The following RSPO2 variants were observed in gnomAD, a reference collection of about 807,000 sequenced individuals.
RSPO2 encodes R-spondin 2.
Under a neutral mutation model 30.9 loss-of-function variants are expected in RSPO2, and 14 were observed. The observed-to-expected ratio is 0.45, with a 90% confidence interval of 0.30 to 0.71. The LOEUF is 0.71. RSPO2 is among the 30% of genes least tolerant of loss of function. RSPO2 has a pLI of 0.08. For synonymous variants in RSPO2, 107 were observed against 96.4 expected (o/e 1.11, Z -0.64); for missense variants, 264 against 301.9 (o/e 0.87, Z 0.93).
intron 5 of RSPO2, among the ~76,000 whole-genome samples, chr8:107,949,977 T>A (rs1289481683): frequency 6.6e-6 from 1 of 152,182 alleles, no homozygotes; most frequent in Admixed American, 6.5e-5. Context: ...TTCTACCTTT[T>A]GGAAGCATGT....
At chr8:108,065,356 G>A (rs1369519916) in intron 2 of RSPO2, among the ~76,000 whole-genome samples, 1 of 150,632 alleles carries the variant, frequency 6.6e-6, no homozygotes, top group African/African-American at 2.4e-5. Flanking sequence ...CACACCTCCA[G>A]TGTTGTCTTA....
chr8:107,960,837 G>A lies in RSPO2; in HGVS notation c.284-20C>T. 6.5e-7 allele frequency: 1 copy of A among 1,529,408 alleles called. No individual in the cohort carries two copies. The highest frequency in any genetic ancestry group is 2.3e-5 in the Admixed American group (1 of 44,212). The allele number at this position is 1,529,408 out of a possible 1,614,324, so 94.7% of individuals were successfully genotyped here. ...TGCATCCTAAAAACAATTTTAAAGA[G>A]AAAAAAGAAAATTTCAGTCAAAGAA... is the stretch of plus-strand genomic sequence containing the variant. On this transcript the variant is annotated intron_variant, in intron 3 of 5. Coordinates refer to ENST00000276659, the MANE Select transcript of RSPO2 (RefSeq NM_178565.5).
chr8:108,063,475 G>T (rs1372373781), intron 2 of RSPO2, among the ~76,000 whole-genome samples: 1 of 151,688 alleles, frequency 6.6e-6, no homozygotes, highest in African/African-American at 2.4e-5. Context: ...AACTTACAAG[G>T]GACATGAAGG....
Position 108,059,510 on chromosome 8 carries a change from G to C in RSPO2, c.94+23035C>G, listed in dbSNP as rs375391957. Among the ~76,000 whole-genome samples the C allele has an allele frequency of 4.3e-3, 651 of 151,334 alleles. 13 individuals are homozygous for C. The highest frequency in any genetic ancestry group is 0.011 in the African/African-American group (455 of 40,820). The stretch of plus-strand genomic sequence containing the variant: ...AGCCATCCCATTACTGGGTATATAC[G>C]CAAAGGACTATAAATCACGCTGCTA... On this transcript the variant is annotated intron_variant, in intron 2 of 5. Coordinates refer to ENST00000276659, the MANE Select transcript of RSPO2 (RefSeq NM_178565.5).
chr8:107,957,922 C>G (rs887742520), intron 5 of RSPO2, among the ~76,000 whole-genome samples, 158 bp downstream of exon 5: 1 of 152,166 alleles, frequency 6.6e-6, no homozygotes, highest in African/African-American at 2.4e-5. Flanking sequence ...ACAACTGAAG[C>G]ATTTGTTTTT....
chr8:107,913,745 A>C (rs781759128), intron 5 of RSPO2, among the ~76,000 whole-genome samples: 15 of 152,182 alleles, frequency 9.9e-5, no homozygotes, highest in Non-Finnish European at 1.2e-4. Context: ...CCTCATATTT[A>C]ATGAAATGAG....
intron 3 of RSPO2, among the ~76,000 whole-genome samples, chr8:107,965,793 T>A (rs991576838): frequency 1.3e-5 from 2 of 152,218 alleles, no homozygotes; most frequent in Non-Finnish European, 2.9e-5. Context: ...TGATTGCACA[T>A]GCACTGTATT....
At chr8:107,929,276 T>A (rs1812478173) in intron 5 of RSPO2, among the ~76,000 whole-genome samples, 1 of 152,180 alleles carries the variant, frequency 6.6e-6, no homozygotes, top group Admixed American at 6.6e-5. Context: ...GAAGTGAGGA[T>A]CATACAACAA....
intron 2 of RSPO2, among the ~76,000 whole-genome samples, chr8:108,045,769 G>T (rs995453691): frequency 6.6e-6 from 1 of 152,098 alleles, no homozygotes; most frequent in Non-Finnish European, 1.5e-5. Context: ...CATCTGAAAA[G>T]ACTTACATTA....
chr8:108,010,689 C>A (rs1382519000), intron 2 of RSPO2, among the ~76,000 whole-genome samples: 1 of 152,024 alleles, frequency 6.6e-6, no homozygotes, highest in African/African-American at 2.4e-5. Flanking sequence ...TCAGTAAGGT[C>A]AGCACACGCA....
intron 3 of RSPO2, among the ~76,000 whole-genome samples, chr8:107,973,734 G>T (rs1031707634): frequency 3.3e-5 from 5 of 152,134 alleles, no homozygotes; most frequent in African/African-American, 7.2e-5. Flanking sequence ...ACTATTCAAA[G>T]CCTTGCAAGA....
chr8:108,047,166 C>T (rs182953242), intron 2 of RSPO2, among the ~76,000 whole-genome samples: 2 of 152,318 alleles, frequency 1.3e-5, no homozygotes, highest in Admixed American at 1.3e-4. Context: ...TATCACCTTC[C>T]TGCTCTTCAT....
At chr8:108,052,358 C>A (rs1403067837) in intron 2 of RSPO2, among the ~76,000 whole-genome samples, 1 of 152,170 alleles carries the variant, frequency 6.6e-6, no homozygotes, top group Non-Finnish European at 1.5e-5. Context: ...CACAGACTTC[C>A]AACAGGGATG....
chr8:108,021,098 T>C (rs1811045730), intron 2 of RSPO2, among the ~76,000 whole-genome samples: 1 of 152,208 alleles, frequency 6.6e-6, no homozygotes, highest in Non-Finnish European at 1.5e-5. Context: ...ACAGTCTAAC[T>C]TAACAAGATA....
At chr8:108,039,731 G>A (rs1811696829) in intron 2 of RSPO2, among the ~76,000 whole-genome samples, 1 of 152,084 alleles carries the variant, frequency 6.6e-6, no homozygotes, top group Admixed American at 6.6e-5. Context: ...TGACAACTGA[G>A]CTGTCAAGCA....
chr8:107,989,007 C>A (rs374142264), intron 3 of RSPO2, 49 bp downstream of exon 3: 1 of 1,461,518 alleles, frequency 6.8e-7, no homozygotes, highest in Non-Finnish European at 9.2e-7. Flanking sequence ...TAGCTCCTCT[C>A]CTAAGTTGCA....
intron 2 of RSPO2, among the ~76,000 whole-genome samples, chr8:108,058,381 C>A (rs1812326678): frequency 6.6e-6 from 1 of 152,182 alleles, no homozygotes; most frequent in Admixed American, 6.5e-5. Context: ...ATTCCATACT[C>A]ATGGGTAGGA....
At chr8:108,000,845 C>CA (rs1212435093) in intron 2 of RSPO2, among the ~76,000 whole-genome samples, 12 of 151,750 alleles carry the variant, frequency 7.9e-5, no homozygotes, top group East Asian at 3.9e-4. Flanking sequence ...ACTAAAAATA[C>CA]AAAAAAATTA....
At chr8:107,919,573 T>C (rs1343993088) in intron 5 of RSPO2, among the ~76,000 whole-genome samples, 1 of 152,172 alleles carries the variant, frequency 6.6e-6, no homozygotes, top group Non-Finnish European at 1.5e-5. Flanking sequence ...TTGAGATATT[T>C]TGCAGATCCT....
Sources: allele counts gnomAD v4.1 joint callset (sites outside exome capture counted in the v4.1 genomes callset), GRCh38; gene constraint gnomAD v4.1.1; transcripts MANE v1.5; gene names NCBI Gene and HGNC (gene_info 2026-07-23, HGNC 2026-07-21).